Variants in CECR2 observed in about 807,000 individuals in gnomAD.
CECR2 encodes CECR2 histone acetyl-lysine reader.
CECR2 carries 30 observed loss-of-function variants against 154.5 expected under a neutral mutation model. The ratio of observed to expected loss-of-function variants is 0.19; its 90% CI spans 0.15 to 0.26. The LOEUF (loss-of-function observed/expected upper bound fraction) is 0.26. CECR2 is among the 10% of genes least tolerant of loss of function. The pLI, the probability that CECR2 is intolerant of heterozygous loss-of-function variation, is 1.00. For missense variants in CECR2, 1,743 were observed against 1,829.3 expected (o/e 0.95, Z 0.86); for synonymous variants, 725 against 683.7 (o/e 1.06, Z -0.94).
chr22:17,501,544 C>T (rs573819404), intron 5 of CECR2, among the ~76,000 whole-genome samples: 5 of 151,378 alleles, frequency 3.3e-5, no homozygotes, highest in Admixed American at 6.6e-5. Flanking sequence ...GGCGACACAG[C>T]GATACTCCAT....
chr22:17,510,125 A>G (rs1366064830), intron 7 of CECR2, among the ~76,000 whole-genome samples: 3 of 152,208 alleles, frequency 2.0e-5, no homozygotes, highest in African/African-American at 7.2e-5. Context: ...CGGCGATGGG[A>G]AAGTGCGTAG....
intron 8 of CECR2, among the ~76,000 whole-genome samples, chr22:17,517,512 A>T (rs2056080480): frequency 6.6e-6 from 1 of 152,236 alleles, no homozygotes; most frequent in Admixed American, 6.5e-5. Flanking sequence ...GAAGCCACAC[A>T]ATAAATGCAA....
chr22:17,396,557 C>CAAAA (rs142582928), intron 1 of CECR2, among the ~76,000 whole-genome samples: 8,094 of 152,136 alleles, frequency 0.053, 338 homozygotes, highest in African/African-American at 0.12. Context: ...AAAAAACAAA[C>CAAAA]AAACTGTGCA....
At chr22:17,420,703 C>A (rs750044382) in intron 1 of CECR2, among the ~76,000 whole-genome samples, 1 of 152,100 alleles carries the variant, frequency 6.6e-6, no homozygotes, top group Non-Finnish European at 1.5e-5. Flanking sequence ...TGTGTTATGG[C>A]ATGATAAAAC....
intron 1 of CECR2, among the ~76,000 whole-genome samples, chr22:17,405,176 G>C (rs1197633569): frequency 6.6e-6 from 1 of 152,130 alleles, no homozygotes; most frequent in Non-Finnish European, 1.5e-5. Context: ...TTGGGAAGCT[G>C]AGGCAGGCGG....
intron 9 of CECR2, among the ~76,000 whole-genome samples, chr22:17,529,291 C>T (rs1442194175): frequency 6.6e-6 from 1 of 151,712 alleles, no homozygotes; most frequent in African/African-American, 2.4e-5. Flanking sequence ...CTGGAAGTCC[C>T]GGCGCGGCTG....
chr22:17,437,907 T>G (rs1314914339), intron 1 of CECR2, among the ~76,000 whole-genome samples: 1 of 152,230 alleles, frequency 6.6e-6, no homozygotes, highest in Non-Finnish European at 1.5e-5. Flanking sequence ...GAAAGATGGA[T>G]GTTACTCACT....
At chr22:17,379,767 A>C (rs2063165119) in intron 1 of CECR2, among the ~76,000 whole-genome samples, 1 of 152,064 alleles carries the variant, frequency 6.6e-6, no homozygotes. Flanking sequence ...GCATGGTGAA[A>C]TATTTTATGG....
At chr22:17,422,419 G>A (rs1480702058) in intron 1 of CECR2, among the ~76,000 whole-genome samples, 2 of 152,076 alleles carry the variant, frequency 1.3e-5, no homozygotes, top group South Asian at 4.2e-4. Context: ...GGCTGATCTC[G>A]AACTCCTGAC....
chr22:17,482,293 A>C (rs1211271946), intron 2 of CECR2, among the ~76,000 whole-genome samples: 1 of 140,886 alleles, frequency 7.1e-6, no homozygotes, highest in Non-Finnish European at 1.5e-5. Flanking sequence ...GCGTGGTGGC[A>C]GGTGCCTGTA....
chr22:17,478,745 G>A (rs912465204), intron 2 of CECR2, among the ~76,000 whole-genome samples: 4 of 152,194 alleles, frequency 2.6e-5, no homozygotes, highest in African/African-American at 9.7e-5. Context: ...TGTAGACAAG[G>A]TAAGAAGGAG....
chr22:17,488,167 GC>G (rs1399121363), intron 2 of CECR2, among the ~76,000 whole-genome samples: 25 of 152,180 alleles, frequency 1.6e-4, no homozygotes, highest in Non-Finnish European at 7.3e-5. Flanking sequence ...ACAGGCGTGA[GC>G]CACCGCACCC....
At chr22:17,445,129 A>G (rs2054639856) in intron 1 of CECR2, among the ~76,000 whole-genome samples, 1 of 152,232 alleles carries the variant, frequency 6.6e-6, no homozygotes, top group African/African-American at 2.4e-5. Context: ...TATACCTCAT[A>G]TTAAGTTATA....
chr22:17,494,811 C>T (rs540815828), intron 2 of CECR2, among the ~76,000 whole-genome samples: 1 of 152,300 alleles, frequency 6.6e-6, no homozygotes, highest in East Asian at 1.9e-4. Context: ...TCTCCTGCCT[C>T]AGCCTCCTGA....
At chr22:17,394,114 C>A (rs546933493) in intron 1 of CECR2, among the ~76,000 whole-genome samples, 4 of 150,908 alleles carry the variant, frequency 2.7e-5, no homozygotes, top group Non-Finnish European at 4.4e-5. Flanking sequence ...CTTGAACTCC[C>A]GACCTCAGGT....
chr22:17,504,765 C>G, intron 6 of CECR2, 82 bp from the exon 7 acceptor site: 1 of 1,317,104 alleles, frequency 7.6e-7, no homozygotes, highest in Non-Finnish European at 1.1e-6. Context: ...AGTCATGACC[C>G]ACAGTAGAAA....
intron 16 of CECR2, among the ~76,000 whole-genome samples, chr22:17,544,646 C>G (rs1020896030): frequency 6.6e-6 from 1 of 151,060 alleles, no homozygotes; most frequent in African/African-American, 2.4e-5. Context: ...CCCCATTCTA[C>G]TTAAAATACA....
At chr22:17,471,014 G>A (rs2146770585) in intron 1 of CECR2, among the ~76,000 whole-genome samples, 1 of 152,294 alleles carries the variant, frequency 6.6e-6, no homozygotes, top group African/African-American at 2.4e-5. Flanking sequence ...TTCCAAAGCA[G>A]CTCTGAACAT....
upstream of CECR2, among the ~76,000 whole-genome samples, chr22:17,369,123 G>A (rs966316699): frequency 1.3e-5 from 2 of 152,066 alleles, no homozygotes; most frequent in Non-Finnish European, 2.9e-5. Flanking sequence ...CCACCCCGCG[G>A]GCCCTTTAAA....
Sources: allele counts gnomAD v4.1 joint callset (sites outside exome capture counted in the v4.1 genomes callset), GRCh38; gene constraint gnomAD v4.1.1; transcripts MANE v1.5; gene names NCBI Gene and HGNC (gene_info 2026-07-23, HGNC 2026-07-21).